Variants in STAG1 observed in about 807,000 individuals in gnomAD.
STAG1 encodes the protein STAG1 cohesin complex component.
In STAG1, 26 loss-of-function variants were observed where a neutral mutation model predicts 170.9. The ratio of observed to expected loss-of-function variants is 0.15; its 90% CI spans 0.11 to 0.21. STAG1 has a LOEUF of 0.21. Among genes scored for constraint, STAG1 ranks in the 10% least tolerant of loss-of-function variants. The probability of loss-of-function intolerance (pLI) is 1.00; values close to 1 mark genes in which losing one functional copy is unlikely to be tolerated. For missense variants in STAG1, 964 were observed against 1,509.5 expected (o/e 0.64, Z 5.99); for synonymous variants, 514 against 497.7 (o/e 1.03, Z -0.44).
At chr3:136,586,024 A>G (rs1937799229) in intron 4 of STAG1, among the ~76,000 whole-genome samples, 1 of 152,194 alleles carries the variant, frequency 6.6e-6, no homozygotes, top group Non-Finnish European at 1.5e-5. Flanking sequence ...TGTTTTCTGT[A>G]TTTCAATTCT....
chr3:136,592,917 G>A (rs896836081), intron 4 of STAG1, among the ~76,000 whole-genome samples: 3 of 152,192 alleles, frequency 2.0e-5, no homozygotes, highest in Non-Finnish European at 4.4e-5. Flanking sequence ...TGCACTGCTT[G>A]TAGTGCACAA....
At chr3:136,694,613 T>TAA (rs386398002) in intron 1 of STAG1, among the ~76,000 whole-genome samples, 28 of 135,316 alleles carry the variant, frequency 2.1e-4, no homozygotes, top group East Asian at 8.3e-4. Flanking sequence ...CCCATCTCTT[T>TAA]AAAAAAAAAA....
At chr3:136,535,129 T>C (rs1348100069) in intron 6 of STAG1, among the ~76,000 whole-genome samples, 4 of 152,204 alleles carry the variant, frequency 2.6e-5, no homozygotes, top group African/African-American at 9.6e-5. Flanking sequence ...TTAAGTGTAA[T>C]AACTCAGGAA....
At chr3:136,592,331 CA>C (rs1378840566) in intron 4 of STAG1, among the ~76,000 whole-genome samples, 1 of 152,112 alleles carries the variant, frequency 6.6e-6, no homozygotes, top group African/African-American at 2.4e-5. Context: ...AGTGAGTCCT[CA>C]TGAGATCTGA....
intron 1 of STAG1, among the ~76,000 whole-genome samples, chr3:136,668,886 T>C (rs1478281123): frequency 6.6e-6 from 1 of 152,190 alleles, no homozygotes; most frequent in East Asian, 1.9e-4. Context: ...CTATCACAGA[T>C]GTCAAAGGAT....
In STAG1 at chr3:136,595,248, T is replaced by C. The variant is rs180676422; in HGVS notation, c.297+9061A>G. ...TGTCACAGATCTAAAAGTCAGGATG[T>C]CCAAACTACTCTCATAGCCATCCTC... On this transcript the variant is annotated intron_variant, in intron 4 of 33. Coordinates refer to ENST00000383202, the MANE Select transcript of STAG1 (RefSeq NM_005862.3). Among the ~76,000 whole-genome samples the C allele has an allele frequency of 2.0e-5, 3 of 152,242 alleles. No homozygotes were observed. In the East Asian group the frequency reaches 5.8e-4, roughly 29 times the overall value.
chr3:136,472,625 G>T, intron 11 of STAG1, 133 bp from the exon 12 acceptor site: 1 of 578,528 alleles, frequency 1.7e-6, no homozygotes, highest in East Asian at 2.8e-5. Context: ...TCTTGAAACT[G>T]CAGTATTGTA....
intron 1 of STAG1, among the ~76,000 whole-genome samples, chr3:136,700,441 CAG>C (rs1943021857): frequency 6.9e-6 from 1 of 145,914 alleles, no homozygotes; most frequent in Non-Finnish European, 1.5e-5. Context: ...TTATTTGAGA[CAG>C]AATTTCGCTC....
chr3:136,736,648 T>G, intron 1 of STAG1: 2 of 1,604,268 alleles, frequency 1.2e-6, no homozygotes, highest in Non-Finnish European at 8.5e-7. Context: ...CTTTCCCGTT[T>G]GGCTTTTTCT....
At chr3:136,374,682 A>G (rs773240062) in intron 23 of STAG1, among the ~76,000 whole-genome samples, 18 of 152,154 alleles carry the variant, frequency 1.2e-4, no homozygotes, top group Non-Finnish European at 1.9e-4. Context: ...TATTATTACA[A>G]AAGAGTTTAA....
chr3:136,636,199 G>C (rs1327037228), intron 1 of STAG1, among the ~76,000 whole-genome samples: 1 of 151,552 alleles, frequency 6.6e-6, no homozygotes, highest in Non-Finnish European at 1.5e-5. Context: ...AGTGAGCCGA[G>C]ACCACGCCAT....
At chr3:136,409,349 T>A (rs1467316427) in intron 21 of STAG1, among the ~76,000 whole-genome samples, 1 of 152,046 alleles carries the variant, frequency 6.6e-6, no homozygotes, top group African/African-American at 2.4e-5. Flanking sequence ...CAAATGTGAC[T>A]ATTTTTTTTT....
chr3:136,524,308 C>T (rs1326480411), intron 6 of STAG1, among the ~76,000 whole-genome samples: 6 of 152,264 alleles, frequency 3.9e-5, no homozygotes, highest in Non-Finnish European at 7.4e-5. Context: ...AGAGGTCCTT[C>T]ACATCCCTTG....
At chr3:136,476,601 A>C (rs1475099622) in intron 10 of STAG1, among the ~76,000 whole-genome samples, 1 of 152,214 alleles carries the variant, frequency 6.6e-6, no homozygotes, top group Non-Finnish European at 1.5e-5. Flanking sequence ...CAATTAAATA[A>C]GGTAGTATTC....
At chr3:136,646,032 A>C (rs1940998376) in intron 1 of STAG1, among the ~76,000 whole-genome samples, 1 of 152,070 alleles carries the variant, frequency 6.6e-6, no homozygotes, top group Non-Finnish European at 1.5e-5. Context: ...AACCAATATG[A>C]CCTAATCTTC....
At chr3:136,484,936 C>A (rs1490726429) in intron 9 of STAG1, among the ~76,000 whole-genome samples, 4 of 152,070 alleles carry the variant, frequency 2.6e-5, no homozygotes, top group Non-Finnish European at 5.9e-5. Context: ...TGCTTCGGCT[C>A]GCGCACGGTG....
intron 32 of STAG1, 25 bp from the exon 33 acceptor site, chr3:136,338,475 A>G (rs368506703): frequency 3.6e-5 from 56 of 1,577,394 alleles, no homozygotes; most frequent in Non-Finnish European, 4.4e-5. Context: ...CGGTTTCTTA[A>G]TTTTTTTCTG....
intron 6 of STAG1, among the ~76,000 whole-genome samples, chr3:136,522,436 C>A (rs2107907962): frequency 6.6e-6 from 1 of 152,226 alleles, no homozygotes; most frequent in African/African-American, 2.4e-5. Context: ...GGAGAAGTTA[C>A]ATAGACTAGA....
At chr3:136,639,652 ACTGT>A (rs1274123611) in intron 1 of STAG1, among the ~76,000 whole-genome samples, 2 of 152,178 alleles carry the variant, frequency 1.3e-5, no homozygotes, top group African/African-American at 4.8e-5. Context: ...TTACGAGAAA[ACTGT>A]CTTTTATAAA....
Sources: allele counts gnomAD v4.1 joint callset (sites outside exome capture counted in the v4.1 genomes callset), GRCh38; gene constraint gnomAD v4.1.1; transcripts MANE v1.5; gene names NCBI Gene and HGNC (gene_info 2026-07-23, HGNC 2026-07-21).